The following RPS6KC1 variants were observed in gnomAD, a reference collection of about 807,000 sequenced individuals.
RPS6KC1 encodes the protein inactive ribosomal protein S6 kinase delta-1.
A neutral mutation model predicts 103.8 loss-of-function variants in RPS6KC1; 54 were observed. That is an observed-to-expected ratio of 0.52 (90% CI 0.42 to 0.65). The LOEUF (loss-of-function observed/expected upper bound fraction) is 0.65, where lower values mean the gene tolerates loss of function less well. Ranked by LOEUF, RPS6KC1 falls within the 30% of genes least tolerant of loss-of-function variation. RPS6KC1 has a pLI of 0.00. For missense variants in RPS6KC1, 1,151 were observed against 1,253.8 expected (o/e 0.92, Z 1.24); for synonymous variants, 439 against 438.7 (o/e 1.00, Z -0.01).
the RPS6KC1 span, among the ~76,000 whole-genome samples, chr1:213,829,834 A>G: frequency 6.6e-6 from 1 of 152,246 alleles, no homozygotes; most frequent in African/African-American, 2.4e-5. Context: ...TTATATACTC[A>G]GAATGCCATA....
the RPS6KC1 span, among the ~76,000 whole-genome samples, chr1:213,798,252 C>T: frequency 2.6e-4 from 40 of 152,338 alleles, no homozygotes; most frequent in African/African-American, 7.7e-4. Flanking sequence ...GGTGACCAAA[C>T]GGCAGAGATT....
chr1:213,513,053 T>G, the RPS6KC1 span, among the ~76,000 whole-genome samples: 8 of 152,234 alleles, frequency 5.3e-5, no homozygotes, highest in African/African-American at 1.9e-4. Flanking sequence ...TGGGTGAGAC[T>G]GGTCTGAACT....
chr1:213,739,466 A>C, the RPS6KC1 span, among the ~76,000 whole-genome samples: 21 of 152,250 alleles, frequency 1.4e-4, no homozygotes, highest in Non-Finnish European at 2.5e-4. Flanking sequence ...TCAAGGGTCA[A>C]CTGTAGTAAA....
chr1:213,176,040 A>G (rs552421203), intron 7 of RPS6KC1, among the ~76,000 whole-genome samples: 1 of 152,314 alleles, frequency 6.6e-6, no homozygotes, highest in South Asian at 2.1e-4. Context: ...GGTTAAATAT[A>G]AGACTGGGAT....
At chr1:213,602,046 T>TTC in the RPS6KC1 span, among the ~76,000 whole-genome samples, 54 of 72,242 alleles carry the variant, frequency 7.5e-4, 4 homozygotes, top group African/African-American at 2.4e-3. Flanking sequence ...CTTTCTTTCT[T>TTC]TCTTTCTTTC....
At chr1:213,052,404 A>G (rs2077025580) in intron 1 of RPS6KC1, among the ~76,000 whole-genome samples, 3 of 152,190 alleles carry the variant, frequency 2.0e-5, no homozygotes, top group Non-Finnish European at 4.4e-5. Flanking sequence ...TCTGTCTGGG[A>G]TCTGAAACCA....
chr1:213,395,789 C>T, the RPS6KC1 span, among the ~76,000 whole-genome samples: 3 of 152,208 alleles, frequency 2.0e-5, no homozygotes, highest in Non-Finnish European at 2.9e-5. Flanking sequence ...ACAGGGAGCT[C>T]GCAGACCAGG....
chr1:213,137,662 A>G (rs1313652505), intron 6 of RPS6KC1, among the ~76,000 whole-genome samples: 1 of 147,892 alleles, frequency 6.8e-6, no homozygotes, highest in African/African-American at 2.5e-5. Flanking sequence ...TCAGATGCCA[A>G]CCTGTGTTTG....
intron 8 of RPS6KC1, among the ~76,000 whole-genome samples, chr1:213,193,841 T>A (rs2092841917): frequency 6.6e-6 from 1 of 152,044 alleles, no homozygotes; most frequent in Non-Finnish European, 1.5e-5. Flanking sequence ...TTGCCCAGGC[T>A]AGTCTCAAAC....
At chr1:213,662,225 G>GA in the RPS6KC1 span, among the ~76,000 whole-genome samples, 15 of 150,508 alleles carry the variant, frequency 1.0e-4, no homozygotes, top group South Asian at 2.1e-4. Context: ...TGTGTGCCTA[G>GA]AAAAAAAAAA....
the RPS6KC1 span, among the ~76,000 whole-genome samples, chr1:213,638,927 A>C: frequency 3.3e-5 from 5 of 152,064 alleles, no homozygotes; most frequent in African/African-American, 1.2e-4. Context: ...GATTAAATCT[A>C]TATCTCAATT....
At chr1:213,223,290 G>T (rs2093879499) in intron 8 of RPS6KC1, among the ~76,000 whole-genome samples, 2 of 152,034 alleles carry the variant, frequency 1.3e-5, no homozygotes, top group Admixed American at 1.3e-4. Context: ...GGTGATTTCT[G>T]AGATTTAAGT....
At chr1:213,632,324 C>A in the RPS6KC1 span, among the ~76,000 whole-genome samples, 2 of 152,164 alleles carry the variant, frequency 1.3e-5, no homozygotes, top group African/African-American at 4.8e-5. Flanking sequence ...CAGTCTGCAG[C>A]TCCCAGCATG....
At chr1:213,146,805 G>A (rs1410402140) in intron 6 of RPS6KC1, among the ~76,000 whole-genome samples, 2 of 151,070 alleles carry the variant, frequency 1.3e-5, no homozygotes, top group Admixed American at 6.9e-5. Context: ...ACTAATTTAC[G>A]TTCCCACCAA....
At chr1:213,425,784 A>G in the RPS6KC1 span, among the ~76,000 whole-genome samples, 51 of 152,176 alleles carry the variant, frequency 3.4e-4, no homozygotes, top group East Asian at 5.0e-3. Flanking sequence ...TTTGTCTTTA[A>G]TTAGTCAGAG....
the RPS6KC1 span, among the ~76,000 whole-genome samples, chr1:213,795,757 C>T: frequency 2.6e-5 from 4 of 152,102 alleles, no homozygotes; most frequent in Non-Finnish European, 2.9e-5. Flanking sequence ...TCATTTTACT[C>T]CTCCCCTACC....
chr1:213,438,495 G>A, the RPS6KC1 span, among the ~76,000 whole-genome samples: 4 of 152,142 alleles, frequency 2.6e-5, no homozygotes, highest in East Asian at 7.7e-4. Context: ...GTCAGTTTCA[G>A]GTTTATATGA....
At chr1:213,813,480 C>T in the RPS6KC1 span, among the ~76,000 whole-genome samples, 1 of 151,882 alleles carries the variant, frequency 6.6e-6, no homozygotes, top group African/African-American at 2.4e-5. Context: ...GTCAGGTTAA[C>T]ATGAAATAAA....
chr1:213,626,494 C>T, the RPS6KC1 span, among the ~76,000 whole-genome samples: 1 of 152,090 alleles, frequency 6.6e-6, no homozygotes, highest in Non-Finnish European at 1.5e-5. Context: ...GACATGAAGT[C>T]CTTGCCCATG....
Sources: gnomAD v4.1 joint callset for allele counts (sites outside exome capture counted in the v4.1 genomes callset) on GRCh38, gnomAD v4.1.1 for gene constraint, MANE v1.5 for transcripts, NCBI Gene and HGNC (gene_info 2026-07-23, HGNC 2026-07-21) for gene names.